Variants in ATF7 observed in about 807,000 individuals in gnomAD.
The protein encoded by ATF7 is cyclic AMP-dependent transcription factor ATF-7.
In ATF7, 10 loss-of-function variants were observed where a neutral mutation model predicts 50.4. That is an observed-to-expected ratio of 0.20 (90% CI 0.12 to 0.34). ATF7 has a LOEUF of 0.34. Among genes scored for constraint, ATF7 ranks in the 10% least tolerant of loss-of-function variants. ATF7 has a pLI of 1.00. For synonymous variants in ATF7, 201 were observed against 226.4 expected (o/e 0.89, Z 1.01); for missense variants, 465 against 613.9 (o/e 0.76, Z 2.56).
At chr12:53,579,946 T>C (rs1455009741) in intron 2 of ATF7, among the ~76,000 whole-genome samples, 4 of 151,992 alleles carry the variant, frequency 2.6e-5, no homozygotes, top group African/African-American at 9.7e-5. Context: ...CCCTTTATCT[T>C]TTTTTTTGAG....
chr12:53,619,621 T>G (rs2137934165), intron 1 of ATF7, among the ~76,000 whole-genome samples: 1 of 151,708 alleles, frequency 6.6e-6, no homozygotes, highest in East Asian at 1.9e-4. Flanking sequence ...AAGACCAGCC[T>G]AGGCAACATG....
intron 11 of ATF7, chr12:53,517,574 A>T: frequency 1.7e-6 from 1 of 571,816 alleles, no homozygotes; most frequent in South Asian, 2.1e-5. Context: ...AAATTAACCT[A>T]TCTATTCCAA....
chr12:53,617,699 C>A (rs1341867816), intron 1 of ATF7, among the ~76,000 whole-genome samples: 5 of 151,902 alleles, frequency 3.3e-5, no homozygotes, highest in Non-Finnish European at 7.4e-5. Flanking sequence ...TGGTTGGGAA[C>A]CTTCGTTAAA....
chr12:53,625,014 T>G (rs1179028083), intron 1 of ATF7, among the ~76,000 whole-genome samples: 3 of 152,142 alleles, frequency 2.0e-5, no homozygotes, highest in East Asian at 3.8e-4. Flanking sequence ...CTGAGAAAAC[T>G]CTGCACACCC....
intron 1 of ATF7, among the ~76,000 whole-genome samples, chr12:53,610,512 C>A (rs1342800790): frequency 6.8e-6 from 1 of 148,024 alleles, no homozygotes; most frequent in Non-Finnish European, 1.5e-5. Flanking sequence ...TTGCAGTGAG[C>A]TGAGATCACA....
At chr12:53,550,229 C>T (rs922429508) in intron 3 of ATF7, among the ~76,000 whole-genome samples, 2 of 151,118 alleles carry the variant, frequency 1.3e-5, no homozygotes, top group African/African-American at 4.9e-5. Flanking sequence ...GAGACTGAGG[C>T]AGGAGAATCG....
intron 9 of ATF7, among the ~76,000 whole-genome samples, chr12:53,525,251 G>T (rs1938373896): frequency 6.6e-6 from 1 of 152,204 alleles, no homozygotes; most frequent in African/African-American, 2.4e-5. Flanking sequence ...TACTTGGGAG[G>T]CTGAGGCAGG....
chr12:53,541,422 C>T (rs1939545331), intron 4 of ATF7, among the ~76,000 whole-genome samples: 1 of 152,154 alleles, frequency 6.6e-6, no homozygotes, highest in Non-Finnish European at 1.5e-5. Context: ...GACCAATAAC[C>T]TAGAATTCTA....
chr12:53,544,039 G>A (rs1230663964), intron 3 of ATF7: 1 of 152,608 alleles, frequency 6.6e-6, no homozygotes, highest in Non-Finnish European at 1.5e-5. Flanking sequence ...TGAGGAGTAA[G>A]ACAGCAAGAT....
intron 3 of ATF7, chr12:53,543,875 T>G (rs1939718749): frequency 6.3e-6 from 1 of 158,896 alleles, no homozygotes; most frequent in African/African-American, 2.4e-5. Context: ...AAAAAGCAGA[T>G]GGATGTTAAA....
At chr12:53,561,212 G>C (rs779342962) in intron 2 of ATF7, among the ~76,000 whole-genome samples, 1 of 151,426 alleles carries the variant, frequency 6.6e-6, no homozygotes, top group Admixed American at 6.6e-5. Context: ...AAAGAGCTGG[G>C]TTTATCTGCA....
At chr12:53,530,288 A>C (rs1938790626) in intron 9 of ATF7, among the ~76,000 whole-genome samples, 1 of 152,210 alleles carries the variant, frequency 6.6e-6, no homozygotes, top group South Asian at 2.1e-4. Context: ...GACATGTGGC[A>C]ATAACTGATG....
At chr12:53,585,940 T>A (rs1405257505) in intron 2 of ATF7, among the ~76,000 whole-genome samples, 2 of 152,174 alleles carry the variant, frequency 1.3e-5, no homozygotes, top group Non-Finnish European at 2.9e-5. Flanking sequence ...GCCAACAAGG[T>A]ACAGTATGTT....
At chr12:53,626,187 G>T in intron 1 of ATF7, 92 bp downstream of exon 1, 1 of 153,318 alleles carries the variant, frequency 6.5e-6, no homozygotes. Context: ...CAGACTGGGA[G>T]GGGAGACCCC....
intron 11 of ATF7, among the ~76,000 whole-genome samples, chr12:53,518,687 A>C (rs1464083177): frequency 6.6e-6 from 1 of 152,204 alleles, no homozygotes; most frequent in Non-Finnish European, 1.5e-5. Flanking sequence ...TATGTGGAAA[A>C]AAGGCAAACG....
rs73103977 is a variant in ATF7 at position 53,513,226 on chromosome 12, C to G, written c.*3911G>C. On this transcript the variant is annotated 3_prime_UTR_variant, in exon 12 of 12. Transcript: ENST00000420353. The stretch of plus-strand genomic sequence containing the variant: ...CTCATTCTGGGGTAGGACTTTACCC[C>G]AAAGAGAGACAACACAGCTGATGCA... 2.6e-5 allele frequency: 4 copies of G among 152,276 alleles called. No homozygotes were observed. The highest frequency in any genetic ancestry group is 5.9e-5 in the Non-Finnish European group (4 of 68,020). The allele number at this position is 152,276 out of a possible 1,614,324, so 9.4% of individuals were successfully genotyped here.
intron 4 of ATF7, 148 bp from the exon 5 acceptor site, chr12:53,537,700 GC>G (rs940006547): frequency 3.1e-6 from 3 of 952,598 alleles, no homozygotes; most frequent in Non-Finnish European, 4.6e-6. Context: ...ATAAATGTGG[GC>G]CCCTTATGTT....
chr12:53,542,449 T>C (rs767717117), intron 4 of ATF7, among the ~76,000 whole-genome samples: 9 of 148,672 alleles, frequency 6.1e-5, no homozygotes, highest in Non-Finnish European at 8.9e-5. Context: ...AAGAGAGAGA[T>C]AGGGTCTCAC....
intron 1 of ATF7, among the ~76,000 whole-genome samples, chr12:53,614,583 G>A (rs1334043430): frequency 6.6e-6 from 1 of 152,180 alleles, no homozygotes; most frequent in Non-Finnish European, 1.5e-5. Context: ...GGAAATAGCT[G>A]CACTATCCCA....
Sources: gnomAD v4.1 joint callset for allele counts (sites outside exome capture counted in the v4.1 genomes callset) on GRCh38, gnomAD v4.1.1 for gene constraint, MANE v1.5 for transcripts, NCBI Gene and HGNC (gene_info 2026-07-23, HGNC 2026-07-21) for gene names.